The following BOP1 variants were observed in gnomAD, a reference collection of about 807,000 sequenced individuals.
The protein encoded by BOP1 is BOP1 ribosomal biogenesis factor.
In BOP1, 54 loss-of-function variants were observed where a neutral mutation model predicts 82.9. The observed-to-expected ratio is 0.65, with a 90% CI of 0.52 to 0.82. The LOEUF is 0.82. Ranked by LOEUF, BOP1 falls within the 40% of genes least tolerant of loss-of-function variation. The pLI is 0.00. For missense variants in BOP1, 1,170 were observed against 1,072.0 expected (o/e 1.09, Z -1.28); for synonymous variants, 566 against 451.1 (o/e 1.25, Z -3.23).
At chr8:144,268,049 C>T (rs1035622616) in intron 3 of BOP1, 50 of 1,548,880 alleles carry the variant, frequency 3.2e-5, no homozygotes, top group South Asian at 2.0e-4. Context: ...GCCAGAGAGG[C>T]GCAGACTGGC....
chr8:144,276,131 C>T lies in BOP1; in HGVS notation c.390+93G>A, dbSNP rs1217324090. 6 of 1,480,478 alleles carry T rather than the reference C, an allele frequency of 4.1e-6. No homozygotes were observed. The East Asian group carries it at 1.4e-4, about 34-fold the overall frequency. 91.7% of individuals were successfully genotyped at this position (1,480,478 alleles called of 1,614,324 possible). A position where few individuals can be genotyped will look rare whatever the true frequency, so the allele number is the denominator to read the frequency against. On this transcript the variant is annotated intron_variant, in intron 3 of 15. Coordinates refer to ENST00000569669, the MANE Select transcript of BOP1 (RefSeq NM_015201.5). ...GCCCACCTGCGGCAGGTCCCAGCAC[C>T]CCCAGGGCAACCCCAGCCCCAACCC...
intron 3 of BOP1, among the ~76,000 whole-genome samples, chr8:144,274,010 C>T (rs893591856): frequency 6.6e-6 from 1 of 152,174 alleles, no homozygotes. Context: ...TCATCCAGGT[C>T]CAGGCCCTGG....
chr8:144,266,499 G>A (rs1250461109), intron 3 of BOP1: 1 of 987,076 alleles, frequency 1.0e-6, no homozygotes, highest in African/African-American at 1.8e-5. Flanking sequence ...CTGCCACCGC[G>A]GGGCGCAGCC....
chr8:144,285,587 C>T (rs1437889454), intron 2 of BOP1, among the ~76,000 whole-genome samples: 1 of 152,230 alleles, frequency 6.6e-6, no homozygotes, highest in Non-Finnish European at 1.5e-5. Flanking sequence ...GTGGCCAGGA[C>T]CACAGAATCC....
chr8:144,267,725 G>A (rs928487563), intron 3 of BOP1, among the ~76,000 whole-genome samples: 1 of 152,140 alleles, frequency 6.6e-6, no homozygotes, highest in Non-Finnish European at 1.5e-5. Flanking sequence ...AGGCTGGCAG[G>A]AGATGTGGGG....
At chr8:144,279,573 G>A (rs587775211) in intron 2 of BOP1, among the ~76,000 whole-genome samples, 33 of 152,346 alleles carry the variant, frequency 2.2e-4, no homozygotes, top group African/African-American at 7.5e-4. Context: ...TCTGGGGAGC[G>A]CTGGGGGAAG....
At position 144,263,852 on chromosome 8, in the gene BOP1, G is replaced by C; in HGVS notation, c.1200C>G (p.Pro400=). The C allele has an allele frequency of 1.2e-6, 2 of 1,611,530 alleles. No homozygotes were observed. Among genetic ancestry groups the C allele is most frequent in the South Asian group, 1.1e-5 (1 of 90,966 alleles). The change falls in exon 9 of 16, where the codon CCC becomes CCG. Residue 400 remains proline (P), a synonymous_variant. Transcript: ENST00000569669. ...TTACCAGGGCCTGGCACGTGGGGAA[G>C]GGCTGCAGGTCCCTCGGCCGAGGCA... ...PKLPRPRDLQ[P]FPTCQALVYR...
rs1845325106 is a variant in BOP1, at chr8:144,265,024, G to A, written c.438C>T (p.Asp146=). 1 of 1,612,300 alleles carries A rather than the reference G, an allele frequency of 6.2e-7. No individual in the cohort carries two copies. The highest frequency in any genetic ancestry group is 1.1e-5 in the South Asian group (1 of 91,066). The part of the protein sequence containing the change: ...VGNVPLEWYD[D]FPHVGYDLDG... ...CCAGGTCGTAGCCCACGTGGGGGAA[G>A]TCATCGTACCACTCCAAGGGCACGT... Residue 146 remains aspartate, a synonymous_variant, in exon 4 of 16, where the codon GAC becomes GAT. Transcript: ENST00000569669.
chr8:144,262,131 C>T lies in BOP1; in HGVS notation c.*33G>A. 2 of 1,611,126 alleles carry T rather than the reference C, an allele frequency of 1.2e-6. No homozygotes were observed. Among genetic ancestry groups the T allele is most frequent in the Non-Finnish European group, 1.7e-6 (2 of 1,179,792 alleles). On this transcript the variant is annotated 3_prime_UTR_variant, in exon 16 of 16. Coordinates refer to ENST00000569669, the MANE Select transcript of BOP1 (RefSeq NM_015201.5). The stretch of plus-strand genomic sequence containing the variant: ...AGGGTAAAGGCTCTGTTGACTTCAG[C>T]ACGACCACCCCAGCCCCAGGCAGGC...
At position 144,262,462 on chromosome 8, in the gene BOP1, C is replaced by T. The variant is rs1177420424; in HGVS notation, c.2021G>A (p.Arg674Gln). Residue 674 changes from arginine (R) to glutamine (Q), a missense_variant, in exon 15 of 16, where the codon CGG becomes CAG. Transcript: ENST00000569669. ...CGAGCCTGACGCAAAGAGTGGGTACCGCGGGTGGAAGGCCACAGCCCGCAG... is the reference window on the plus strand; with the variant it reads ...CGAGCCTGACGCAAAGAGTGGGTACTGCGGGTGGAAGGCCACAGCCCGCAG... ...KALRAVAFHP[R>Q]YPLFASGSDD... The T allele has an allele frequency of 2.2e-5, 36 of 1,612,750 alleles. No homozygotes were observed. Among genetic ancestry groups the T allele is most frequent in the South Asian group, 2.2e-5 (2 of 91,076 alleles).
At chr8:144,267,540 G>C (rs1159044302) in intron 3 of BOP1, among the ~76,000 whole-genome samples, 1 of 152,280 alleles carries the variant, frequency 6.6e-6, no homozygotes, top group South Asian at 2.1e-4. Flanking sequence ...GCTGAGTTCA[G>C]AAAGTAAGAG....
In BOP1 at chr8:144,263,004, C is replaced by A. The variant is rs941144237; in HGVS notation, c.1743G>T (p.Gln581His). Reference protein sequence around the residue: ...SQSPFRRSHGQVQRVAFHPAR... With the variant: ...SQSPFRRSHGHVQRVAFHPAR... Reference sequence around the variant, plus strand: ...CAGGGTGGAAGGCCACTCGCTGCACCTGTCCGTGGCTGCGGCGGAACGGAC... The same window carrying A: ...CAGGGTGGAAGGCCACTCGCTGCACATGTCCGTGGCTGCGGCGGAACGGAC... The change falls in exon 13 of 16, where the codon CAG (glutamine) becomes CAT (histidine). Residue 581 changes from glutamine (Q) to histidine (H), a missense_variant. Coordinates refer to ENST00000569669, the MANE Select transcript of BOP1 (RefSeq NM_015201.5). 4 of 1,558,196 alleles carry A rather than the reference C, an allele frequency of 2.6e-6. No homozygotes were observed. Among genetic ancestry groups the A allele is most frequent in the Non-Finnish European group, 3.4e-6 (4 of 1,159,756 alleles).
At position 144,265,128 on chromosome 8, in the gene BOP1, G is replaced by A. The variant is rs1352042391; in HGVS notation, c.391-57C>T. ...ATCCTACAAGGCCCACCCCCGCTTC[G>A]GGCCGCCCAGGGGAGCAGGTGAGGG... is the stretch of plus-strand genomic sequence containing the variant. On this transcript the variant is annotated intron_variant, in intron 3 of 15. Transcript: ENST00000569669. 3.3e-5 allele frequency: 52 copies of A among 1,570,146 alleles called. 1 individual carries two copies. The highest frequency in any genetic ancestry group is 2.3e-4 in the South Asian group (19 of 83,194).
At position 144,266,728 on chromosome 8, in the gene BOP1, C is replaced by T. The variant is rs1428765132; in HGVS notation, c.391-1657G>A. On this transcript the variant is annotated intron_variant, in intron 3 of 15. Transcript: ENST00000569669. Reference sequence around the variant, plus strand: ...CGACAGCTCGGGCTCCGACGAGAAACCCTGTCGCGTGCACGCGGCGCGCTG... The same window carrying T: ...CGACAGCTCGGGCTCCGACGAGAAATCCTGTCGCGTGCACGCGGCGCGCTG... 5.3e-6 allele frequency: 6 copies of T among 1,138,492 alleles called. No individual in the cohort carries two copies. The South Asian group carries it at 6.4e-5, about 12-fold the overall frequency. The allele number at this position is 1,138,492 out of a possible 1,614,324, so 70.5% of individuals were successfully genotyped here.
At position 144,265,132 on chromosome 8, in the gene BOP1, C is replaced by T. The variant is rs1044984922; in HGVS notation, c.391-61G>A. On this transcript the variant is annotated intron_variant, in intron 3 of 15. Coordinates refer to ENST00000569669, the MANE Select transcript of BOP1 (RefSeq NM_015201.5). ...TACAAGGCCCACCCCCGCTTCGGGC[C>T]GCCCAGGGGAGCAGGTGAGGGGGTT... 84 of 1,569,158 alleles carry T rather than the reference C, an allele frequency of 5.4e-5. No homozygotes were observed. The Middle Eastern group carries it at 1.4e-3, about 26-fold the overall frequency.
At position 144,263,732 on chromosome 8, in the gene BOP1, C is replaced by T. The variant is rs1845291318; in HGVS notation, c.1251G>A (p.Arg417=). 2 of 1,577,304 alleles carry T rather than the reference C, an allele frequency of 1.3e-6. No homozygotes were observed. The highest frequency in any genetic ancestry group is 1.9e-5 in the Admixed American group (1 of 53,928). ...LVYRGHSDLV[R]CLSVSPGGQW... ...GGCCCCCAGGAGAGACACTGAGGCA[C>T]CGGACAAGGTCACTGTGGCCCCTGT... Residue 417 remains arginine (R), a synonymous_variant, in exon 10 of 16, where the codon CGG becomes CGA. Transcript: ENST00000569669.
Position 144,291,398 on chromosome 8 carries a change from C to T in BOP1, c.-28G>A. The T allele has an allele frequency of 8.6e-7, 1 of 1,156,404 alleles. No individual in the cohort carries two copies. The highest frequency in any genetic ancestry group is 1.1e-6 in the Non-Finnish European group (1 of 942,474). The allele number at this position is 1,156,404 out of a possible 1,614,324, so 71.6% of individuals were successfully genotyped here. A position where few individuals can be genotyped will look rare whatever the true frequency, so the allele number is the denominator to read the frequency against. On this transcript the variant is annotated 5_prime_UTR_variant, in exon 1 of 16. Transcript: ENST00000569669. The surrounding 1 kb of genome is among the most constrained non-coding windows in gnomAD (Gnocchi z 4.1). ...CCCACCGCGCGCCGGCCGCCACCCG[C>T]ACAGCCGCTTCCGACAGCGACCGGG...
At position 144,263,288 on chromosome 8, in the gene BOP1, G is replaced by C; in HGVS notation, c.1538C>G (p.Ala513Gly). Residue 513 changes from alanine (A) to glycine (G), a missense_variant, in exon 12 of 16, where the codon GCC becomes GGC. Physicochemically the swap from Ala to Gly is moderately conservative, Grantham distance 60. Coordinates refer to ENST00000569669, the MANE Select transcript of BOP1 (RefSeq NM_015201.5). ...CTCCTCTGAGGCCTCCAGCCAGCGG[G>C]CCGGCTGCAAGGGGGGCTCCTCAGG... is the stretch of plus-strand genomic sequence containing the variant. ...VPPEEPPLQP[A>G]RWLEASEEER... is the part of the protein sequence containing the mutation. The C allele has an allele frequency of 6.3e-7, 1 of 1,594,140 alleles. No homozygotes were observed.
At chr8:144,273,644 A>C (rs1348048756) in intron 3 of BOP1, among the ~76,000 whole-genome samples, 1 of 152,210 alleles carries the variant, frequency 6.6e-6, no homozygotes. Flanking sequence ...AAAGGCCGAG[A>C]GCCCCCTTGC....
Sources: allele counts gnomAD v4.1 joint callset (sites outside exome capture counted in the v4.1 genomes callset), GRCh38; gene constraint gnomAD v4.1.1; non-coding constraint Gnocchi (gnomAD v3.1); transcripts MANE v1.5; gene names NCBI Gene and HGNC (gene_info 2026-07-23, HGNC 2026-07-21).